Variants in DENND1A observed in about 807,000 individuals in gnomAD.
DENND1A encodes DENN domain-containing protein 1A.
A neutral mutation model predicts 113.7 loss-of-function variants in DENND1A; 51 were observed. That is an observed-to-expected ratio of 0.45 (90% confidence interval 0.36 to 0.57). The LOEUF (loss-of-function observed/expected upper bound fraction) is 0.57, where lower values mean the gene tolerates loss of function less well. Among genes scored for constraint, DENND1A ranks in the 20% least tolerant of loss-of-function variants. The pLI is 0.00. For missense variants in DENND1A, 1,258 were observed against 1,395.9 expected (o/e 0.90, Z 1.57); for synonymous variants, 565 against 570.8 (o/e 0.99, Z 0.14).
intron 19 of DENND1A, chr9:123,414,598 T>C (rs772214453): frequency 5.3e-5 from 82 of 1,550,296 alleles, no homozygotes; most frequent in Non-Finnish European, 7.0e-5. Context: ...CCTGTTAGCA[T>C]AGCAAAGGCT....
intron 2 of DENND1A, among the ~76,000 whole-genome samples, chr9:123,858,484 A>G (rs1250436047): frequency 6.6e-6 from 1 of 152,198 alleles, no homozygotes; most frequent in Non-Finnish European, 1.5e-5. Context: ...TAGCATTAGT[A>G]AGTGAGTGGG....
chr9:123,580,515 T>C (rs1019574223), intron 12 of DENND1A, among the ~76,000 whole-genome samples: 1 of 152,224 alleles, frequency 6.6e-6, no homozygotes, highest in East Asian at 1.9e-4. Context: ...GTGGGACCAG[T>C]CAGTCCACTC....
intron 1 of DENND1A, among the ~76,000 whole-genome samples, chr9:123,926,865 A>G (rs1182927864): frequency 6.6e-6 from 1 of 152,004 alleles, no homozygotes; most frequent in East Asian, 1.9e-4. Flanking sequence ...CCAGCATGGT[A>G]CGGGACACAG....
At chr9:123,644,558 C>T (rs2062209028) in intron 9 of DENND1A, among the ~76,000 whole-genome samples, 3 of 152,168 alleles carry the variant, frequency 2.0e-5, no homozygotes, top group Admixed American at 1.3e-4. Context: ...TTCCTAACAA[C>T]ATGCCTCTGG....
At chr9:123,446,908 C>T (rs1434651693) in intron 18 of DENND1A, among the ~76,000 whole-genome samples, 1 of 152,122 alleles carries the variant, frequency 6.6e-6, no homozygotes. Flanking sequence ...CATTTTGATA[C>T]CGAAGAAAAA....
intron 13 of DENND1A, among the ~76,000 whole-genome samples, chr9:123,547,362 T>C (rs1444464534): frequency 6.6e-6 from 1 of 152,206 alleles, no homozygotes; most frequent in African/African-American, 2.4e-5. Context: ...AAACCCTGTT[T>C]CTACTAAAAA....
intron 1 of DENND1A, among the ~76,000 whole-genome samples, chr9:123,905,235 C>G (rs566093944): frequency 2.6e-5 from 4 of 151,946 alleles, no homozygotes; most frequent in Non-Finnish European, 5.9e-5. Context: ...AACAATGGTA[C>G]CAGCCGCTGC....
At chr9:123,494,423 G>A (rs917305293) in intron 13 of DENND1A, among the ~76,000 whole-genome samples, 1 of 152,156 alleles carries the variant, frequency 6.6e-6, no homozygotes, top group Non-Finnish European at 1.5e-5. Context: ...TTTCATAGAT[G>A]AGACAACTGA....
At chr9:123,895,008 G>A (rs1850501052) in intron 1 of DENND1A, among the ~76,000 whole-genome samples, 1 of 151,918 alleles carries the variant, frequency 6.6e-6, no homozygotes, top group Non-Finnish European at 1.5e-5. Context: ...GCTGGAGAAT[G>A]CTAGCAGAAT....
intron 9 of DENND1A, among the ~76,000 whole-genome samples, chr9:123,632,005 C>T (rs114522071): frequency 6.6e-6 from 1 of 152,268 alleles, no homozygotes; most frequent in African/African-American, 2.4e-5. Flanking sequence ...GAGGACTTTG[C>T]TTCTTTTGGA....
chr9:123,560,600 G>A (rs1353134000), intron 12 of DENND1A, among the ~76,000 whole-genome samples: 1 of 151,840 alleles, frequency 6.6e-6, no homozygotes, highest in African/African-American at 2.4e-5. Flanking sequence ...TGAGGTGGGA[G>A]GACTGCTTGA....
chr9:123,487,168 T>G (rs1455584331), intron 13 of DENND1A, among the ~76,000 whole-genome samples: 1 of 152,206 alleles, frequency 6.6e-6, no homozygotes, highest in Non-Finnish European at 1.5e-5. Flanking sequence ...TAGACATCAT[T>G]TGAGCTCCTG....
chr9:123,546,098 T>C (rs2056656959), intron 13 of DENND1A, among the ~76,000 whole-genome samples: 1 of 152,188 alleles, frequency 6.6e-6, no homozygotes, highest in South Asian at 2.1e-4. Flanking sequence ...ATGACAATTC[T>C]GCAGGAGATG....
chr9:123,866,956 G>C (rs978212807), intron 2 of DENND1A, among the ~76,000 whole-genome samples: 2 of 152,124 alleles, frequency 1.3e-5, no homozygotes, highest in Non-Finnish European at 2.9e-5. Context: ...AATCTAGACA[G>C]CAATTTATCT....
In DENND1A at chr9:123,586,624, G is replaced by A. The variant is rs529604758; in HGVS notation, c.766-3354C>T. 9.7e-4 allele frequency among the ~76,000 whole-genome samples: 148 copies of A among 152,282 alleles called. 2 individuals carry two copies. The South Asian group carries it at 0.028, about 29-fold the overall frequency. ...CAAGGCCTCTTCCAAAAGGGCTGGCGTGGACTCAAGGGCCTTCCTGAAGCT... is the reference window on the plus strand; with the variant it reads ...CAAGGCCTCTTCCAAAAGGGCTGGCATGGACTCAAGGGCCTTCCTGAAGCT... On this transcript the variant is annotated intron_variant, in intron 11 of 23. Coordinates refer to ENST00000394215, the MANE Select transcript of DENND1A (RefSeq NM_001352964.2).
At chr9:123,581,825 A>G (rs1169994835) in intron 12 of DENND1A, among the ~76,000 whole-genome samples, 1 of 152,174 alleles carries the variant, frequency 6.6e-6, no homozygotes, top group Non-Finnish European at 1.5e-5. Flanking sequence ...TCTGGAAGTC[A>G]GGATAACTCT....
At position 123,383,818 on chromosome 9, in the gene DENND1A, A is replaced by G; in HGVS notation, c.1856T>C (p.Val619Ala). 1 of 1,613,942 alleles carries G rather than the reference A, an allele frequency of 6.2e-7. No homozygotes were observed. Among genetic ancestry groups the G allele is most frequent in the Middle Eastern group, 1.6e-4 (1 of 6,062 alleles). Reference sequence around the variant, plus strand: ...GGCAGCCCGGTCAGGGGGAGCTGGGACAGGGCCTGTGGACTTCCGCACTTG... The same window carrying G: ...GGCAGCCCGGTCAGGGGGAGCTGGGGCAGGGCCTGTGGACTTCCGCACTTG... ...EQQVRKSTGP[V>A]PAPPDRAASI... The change falls in exon 23 of 24, where the codon GTC (valine) becomes GCC (alanine). Residue 619 changes from valine (V) to alanine (A), a missense_variant. Coordinates refer to ENST00000394215, the MANE Select transcript of DENND1A (RefSeq NM_001352964.2).
At chr9:123,549,732 T>C (rs969170828) in intron 13 of DENND1A, among the ~76,000 whole-genome samples, 1 of 152,160 alleles carries the variant, frequency 6.6e-6, no homozygotes, top group Non-Finnish European at 1.5e-5. Context: ...TATGTAAAAA[T>C]GCATATGAAA....
In DENND1A at chr9:123,381,907, G is replaced by A; in HGVS notation, c.2738C>T (p.Ala913Val). The change falls in exon 24 of 24, where the codon GCC becomes GTC. Residue 913 changes from alanine (A) to valine (V), a missense_variant. Physicochemically the swap from Ala to Val is moderately conservative, Grantham distance 64. Coordinates refer to ENST00000394215, the MANE Select transcript of DENND1A (RefSeq NM_001352964.2). This position sits in a 1 kb window ranked among gnomAD's most constrained non-coding sequence, Gnocchi z 4.7. The stretch of plus-strand genomic sequence containing the variant: ...AGCTGGAGGGGCCCCGAAAGGCCCG[G>A]CTGGTGTGGAGACCAGGGGCAGGGT... ...PPTLPLVSTP[A>V]GPFGAPPASL... 6 of 1,454,024 alleles carry A rather than the reference G, an allele frequency of 4.1e-6. No individual in the cohort carries two copies. Among genetic ancestry groups the A allele is most frequent in the East Asian group, 2.5e-5 (1 of 40,584 alleles). 90.1% of individuals were successfully genotyped at this position (1,454,024 alleles called of 1,614,324 possible).
Sources: gnomAD v4.1 joint callset for allele counts (sites outside exome capture counted in the v4.1 genomes callset) on GRCh38, gnomAD v4.1.1 for gene constraint, Gnocchi (gnomAD v3.1) non-coding constraint, MANE v1.5 for transcripts, NCBI Gene and HGNC (gene_info 2026-07-23, HGNC 2026-07-21) for gene names.